CDC23: variants seen among roughly 807,000 people sequenced by gnomAD.
CDC23 encodes the protein cell division cycle 23.
A neutral mutation model predicts 81.7 loss-of-function variants in CDC23; 26 were observed. The observed-to-expected ratio is 0.32, with a 90% CI of 0.23 to 0.44. CDC23 has a LOEUF of 0.44. Among genes scored for constraint, CDC23 ranks in the 20% least tolerant of loss-of-function variants. The pLI, the probability that CDC23 is intolerant of heterozygous loss-of-function variation, is 1.00. For missense variants in CDC23, 519 were observed against 728.0 expected, an observed-to-expected ratio of 0.71 and a Z score of 3.30; for synonymous variants, 267 against 270.8, an observed-to-expected ratio of 0.99 and a Z score of 0.14.
rs373589930 is a variant in CDC23 at position 138,210,563 on chromosome 5, A to T, written c.234+2428T>A. On this transcript the variant is annotated intron_variant, in intron 2 of 15. Coordinates refer to ENST00000394886, the MANE Select transcript of CDC23 (RefSeq NM_004661.4). ...AAACAAAATAAAGTAAATAAATCAC[A>T]GTTTTAAGGTTTACTCTAGTTTACA... is the stretch of plus-strand genomic sequence containing the variant. 3.3e-5 allele frequency among the ~76,000 whole-genome samples: 5 copies of T among 152,254 alleles called. No individual in the cohort carries two copies. In the South Asian group the frequency reaches 8.3e-4, roughly 25 times the overall value.
At chr5:138,190,439 C>G (rs1754813337) in intron 13 of CDC23, among the ~76,000 whole-genome samples, 1 of 138,908 alleles carries the variant, frequency 7.2e-6, no homozygotes, top group African/African-American at 2.7e-5. Context: ...GCCTGGGCCA[C>G]AGAATGAGAC....
rs1279996554 is a variant in CDC23, at chr5:138,198,778, T to G, written c.659A>C (p.Lys220Thr). 6.2e-7 allele frequency: 1 copy of G among 1,613,514 alleles called. No individual in the cohort carries two copies. The highest frequency in any genetic ancestry group is 2.2e-5 in the East Asian group (1 of 44,878). Residue 220 changes from lysine (K) to threonine (T), a missense_variant, in exon 7 of 16, where the codon AAG becomes ACG. By Grantham distance (78) the Lys-to-Thr change is moderately conservative (BLOSUM62 -1). Around this residue, in one of 4 missense-constraint regions of CDC23, gnomAD observed 180 missense variants for 239.3 expected, o/e 0.75. Coordinates refer to ENST00000394886, the MANE Select transcript of CDC23 (RefSeq NM_004661.4). Reference protein sequence around the residue: ...CNLITDKEMLKFLSLPDTWMK... With the variant: ...CNLITDKEMLTFLSLPDTWMK... The stretch of plus-strand genomic sequence containing the variant: ...CCAGGTGTCTGGCAAAGACAGGAAC[T>G]TCAGCTGGCAGCAGGAGAGAGAGGG...
At chr5:138,206,462 G>A (rs764738457) in intron 3 of CDC23, 85 bp downstream of exon 3, 10 of 1,383,680 alleles carry the variant, frequency 7.2e-6, no homozygotes, top group Non-Finnish European at 9.3e-6. Flanking sequence ...CCACTGCTAA[G>A]CTATTTAAAA....
chr5:138,209,052 A>G (rs1447204389), intron 2 of CDC23, among the ~76,000 whole-genome samples: 1 of 151,198 alleles, frequency 6.6e-6, no homozygotes, highest in Non-Finnish European at 1.5e-5. Flanking sequence ...GATTACAGGC[A>G]TGGGCCACCA....
intron 9 of CDC23, among the ~76,000 whole-genome samples, chr5:138,197,040 G>T (rs1754920551): frequency 6.7e-6 from 1 of 150,236 alleles, no homozygotes; most frequent in Non-Finnish European, 1.5e-5. Context: ...TAGTAATTAT[G>T]CCTGGCTTCC....
chr5:138,193,321 C>T (rs951972648), intron 9 of CDC23, among the ~76,000 whole-genome samples: 3 of 152,174 alleles, frequency 2.0e-5, no homozygotes, highest in Admixed American at 6.5e-5. Context: ...CCAGGCTGGG[C>T]ATGGTGACTC....
At position 138,201,217 on chromosome 5, in the gene CDC23, GT is replaced by G; in HGVS notation, c.543del (p.Lys181AsnfsTer27). The G allele has an allele frequency of 6.2e-7, 1 of 1,614,128 alleles. No individual in the cohort carries two copies. Among genetic ancestry groups the G allele is most frequent in the Non-Finnish European group, 8.5e-7 (1 of 1,180,038 alleles). On this transcript the variant is annotated frameshift_variant, in exon 6 of 16. Coordinates refer to ENST00000394886, the MANE Select transcript of CDC23 (RefSeq NM_004661.4). LOFTEE classifies it high-confidence loss of function. Reference sequence around the variant, plus strand: ...TCAATGGCCTCTTTAACCAAGTCCAGTTTTCGAAGCACCACACCATACCTGG... The same window carrying G: ...TCAATGGCCTCTTTAACCAAGTCCAGTTTCGAAGCACCACACCATACCTGG... ...GLYLYGVVLR[K>X]LDLVKEAIDV...
At chr5:138,200,593 G>A (rs1318902942) in intron 6 of CDC23, among the ~76,000 whole-genome samples, 1 of 152,074 alleles carries the variant, frequency 6.6e-6, no homozygotes, top group African/African-American at 2.4e-5. Flanking sequence ...ATTGAGGCAG[G>A]AGGATCACCT....
rs752774053 is a variant in CDC23 at position 138,191,554 on chromosome 5, G to A, written c.1363-19C>T. ...AATAACACTGTCAAAAAAATAAACT[G>A]GTCATTTTGACCATTGTCCCATGTG... On this transcript the variant is annotated intron_variant, in intron 12 of 15. Coordinates refer to ENST00000394886, the MANE Select transcript of CDC23 (RefSeq NM_004661.4). 6.2e-7 allele frequency: 1 copy of A among 1,610,978 alleles called. No individual in the cohort carries two copies. Among genetic ancestry groups the A allele is most frequent in the South Asian group, 1.1e-5 (1 of 91,016 alleles).
rs749859477 is a variant in CDC23, at chr5:138,188,948, C to G, written c.*30G>C. 1.1e-5 allele frequency: 17 copies of G among 1,607,462 alleles called. No individual in the cohort carries two copies. Among genetic ancestry groups the G allele is most frequent in the Non-Finnish European group, 1.4e-5 (16 of 1,176,108 alleles). On this transcript the variant is annotated 3_prime_UTR_variant, in exon 16 of 16. Coordinates refer to ENST00000394886, the MANE Select transcript of CDC23 (RefSeq NM_004661.4). Reference sequence around the variant, plus strand: ...GAGGTAAGGCTTAATTAAGATGGGTCTAACAATGTGCTGGCTTGAGAGTAG... The same window carrying G: ...GAGGTAAGGCTTAATTAAGATGGGTGTAACAATGTGCTGGCTTGAGAGTAG...
At position 138,213,024 on chromosome 5, in the gene CDC23, C is replaced by G; in HGVS notation, c.201G>C (p.Leu67=). 6.2e-7 allele frequency: 1 copy of G among 1,613,872 alleles called. No individual in the cohort carries two copies. Among genetic ancestry groups the G allele is most frequent in the Non-Finnish European group, 8.5e-7 (1 of 1,179,910 alleles). The stretch of plus-strand genomic sequence containing the variant: ...TAGGCGGAGGCGGTTGCAGCTCGGC[C>G]AGAGGCAATGCAGGGAGAGAGAAAG... The part of the protein sequence containing the change: ...ELAFSLPALP[L]AELQPPPPIT... Residue 67 remains leucine, a synonymous_variant, in exon 2 of 16, where the codon CTG becomes CTC. Coordinates refer to ENST00000394886, the MANE Select transcript of CDC23 (RefSeq NM_004661.4).
chr5:138,201,175 T>C lies in CDC23; in HGVS notation c.586A>G (p.Thr196Ala), dbSNP rs1178713337. ...KEAIDVFVEA[T>A]HVLPLHWGAW... Reference sequence around the variant, plus strand: ...CCCCAATGCAAGGGCAAAACATGAGTAGCTTCCACAAACACATCAATGGCC... The same window carrying C: ...CCCCAATGCAAGGGCAAAACATGAGCAGCTTCCACAAACACATCAATGGCC... Residue 196 changes from threonine (T) to alanine (A), a missense_variant, in exon 6 of 16, where the codon ACT becomes GCT. By Grantham distance (58) the Thr-to-Ala change is moderately conservative. Transcript: ENST00000394886. 1 of 1,614,122 alleles carries C rather than the reference T, an allele frequency of 6.2e-7. No individual in the cohort carries two copies. Among genetic ancestry groups the C allele is most frequent in the Non-Finnish European group, 8.5e-7 (1 of 1,180,010 alleles).
At position 138,201,063 on chromosome 5, in the gene CDC23, A is replaced by C. The variant is rs746572121; in HGVS notation, c.654+44T>G. The C allele has an allele frequency of 1.5e-5, 24 of 1,599,314 alleles. No homozygotes were observed. In the South Asian group the frequency reaches 2.6e-4, roughly 17 times the overall value. ...CCCTATATTACTACAGAATTACAAAAGGCTTGAAGCAGAGGGTTTTTCACA... is the reference window on the plus strand; with the variant it reads ...CCCTATATTACTACAGAATTACAAACGGCTTGAAGCAGAGGGTTTTTCACA... On this transcript the variant is annotated intron_variant, in intron 6 of 15. Transcript: ENST00000394886.
chr5:138,213,085 G>A, intron 1 of CDC23, 22 bp from the exon 2 acceptor site: 1 of 1,614,088 alleles, frequency 6.2e-7, no homozygotes, highest in South Asian at 1.1e-5. Context: ...ACACAAACTA[G>A]ATCAGCTCGA....
intron 9 of CDC23, among the ~76,000 whole-genome samples, chr5:138,195,731 T>TACATATAATATATATGTATATATAC (rs1561634139): frequency 2.6e-5 from 3 of 117,536 alleles, no homozygotes; most frequent in Non-Finnish European, 3.3e-5. Context: ...TGTATATATA[T>TACATATAATATATATGTATATATAC]ACATATAATA....
At chr5:138,204,643 G>A (rs1157534140) in intron 3 of CDC23, among the ~76,000 whole-genome samples, 1 of 89,140 alleles carries the variant, frequency 1.1e-5, no homozygotes, top group African/African-American at 3.7e-5. Flanking sequence ...TTTTGGAGAC[G>A]GAGTCTCACT....
At chr5:138,191,731 T>C in intron 12 of CDC23, 131 bp downstream of exon 12, 2 of 944,214 alleles carry the variant, frequency 2.1e-6, no homozygotes, top group Non-Finnish European at 3.4e-6. Flanking sequence ...TTTCAGACTA[T>C]GTATCTATAA....
At chr5:138,198,167 A>C in intron 9 of CDC23, 32 bp downstream of exon 9, 1 of 1,470,284 alleles carries the variant, frequency 6.8e-7, no homozygotes, top group Non-Finnish European at 9.5e-7. Context: ...ATAAATATAA[A>C]TCTTAAAAGA....
In CDC23 at chr5:138,213,035, C is replaced by T; in HGVS notation, c.190G>A (p.Ala64Thr). Residue 64 changes from alanine to threonine, a missense_variant, in exon 2 of 16, where the codon GCA becomes ACA. Ala to Thr is a moderately conservative substitution (Grantham distance 58). Coordinates refer to ENST00000394886, the MANE Select transcript of CDC23 (RefSeq NM_004661.4). ...WSAELAFSLP[A>T]LPLAELQPPP... ...GGTTGCAGCTCGGCCAGAGGCAATG[C>T]AGGGAGAGAGAAAGCCAACTCCGCC... The T allele has an allele frequency of 6.2e-7, 1 of 1,613,890 alleles. No homozygotes were observed.
Sources: allele counts gnomAD v4.1 joint callset (sites outside exome capture counted in the v4.1 genomes callset), GRCh38; gene constraint gnomAD v4.1.1; regional missense constraint gnomAD v4.1.1; transcripts MANE v1.5; gene names NCBI Gene and HGNC (gene_info 2026-07-23, HGNC 2026-07-21).